The following HIVEP3 variants were observed in gnomAD, a reference collection of about 807,000 sequenced individuals.
HIVEP3 encodes transcription factor HIVEP3.
In HIVEP3, 49 loss-of-function variants were observed where a neutral mutation model predicts 152.8. The ratio of observed to expected loss-of-function variants is 0.32; its 90% CI spans 0.26 to 0.41. HIVEP3 has a LOEUF of 0.41. HIVEP3 is among the 10% of genes least tolerant of loss of function. The pLI is 1.00. For missense variants in HIVEP3, 2,790 were observed against 3,103.3 expected, an observed-to-expected ratio of 0.90 and a Z score of 2.40; for synonymous variants, 1,269 against 1,289.0, an observed-to-expected ratio of 0.98 and a Z score of 0.33.
Position 41,575,611 on chromosome 1 carries a change from C to T in HIVEP3, c.5140G>A (p.Glu1714Lys), listed in dbSNP as rs1460785104. 6.2e-7 allele frequency: 1 copy of T among 1,614,112 alleles called. No homozygotes were observed. Reference protein sequence around the residue: ...RVEKEEERRGEPEEDAPASQR... With the variant: ...RVEKEEERRGKPEEDAPASQR... ...GAGGCAGGAGCATCCTCCTCCGGCT[C>T]CCCTCTCCTCTCTTCTTCCTTCTCC... The change falls in exon 5 of 9, where the codon GAG (glutamate) becomes AAG (lysine). Residue 1714 changes from glutamate (E) to lysine (K), a missense_variant. Transcript: ENST00000372583.
chr1:41,611,164 G>A (rs1231113753), intron 3 of HIVEP3, among the ~76,000 whole-genome samples: 2 of 152,222 alleles, frequency 1.3e-5, no homozygotes, highest in Admixed American at 1.3e-4. Flanking sequence ...AGGGAATTAT[G>A]AGCAAATGAA....
chr1:41,795,482 A>C (rs772312942), intron 1 of HIVEP3, among the ~76,000 whole-genome samples: 1 of 152,088 alleles, frequency 6.6e-6, no homozygotes, highest in Non-Finnish European at 1.5e-5. Flanking sequence ...ATTAACTGTG[A>C]AGTTACTATT....
At chr1:42,030,550 A>G (rs576071253) in intron 1 of HIVEP3, among the ~76,000 whole-genome samples, 28 of 150,670 alleles carry the variant, frequency 1.9e-4, no homozygotes, top group African/African-American at 6.1e-4. Context: ...GTCTCTAATC[A>G]CTGTACTTTC....
At chr1:41,808,106 A>T (rs1475471097) in intron 1 of HIVEP3, among the ~76,000 whole-genome samples, 1 of 152,238 alleles carries the variant, frequency 6.6e-6, no homozygotes, top group African/African-American at 2.4e-5. Flanking sequence ...CCCCCATTTA[A>T]TCTTCACAAC....
intron 1 of HIVEP3, among the ~76,000 whole-genome samples, chr1:41,837,620 C>T (rs1643163223): frequency 6.6e-6 from 1 of 152,216 alleles, no homozygotes; most frequent in African/African-American, 2.4e-5. Flanking sequence ...GCCACCACGC[C>T]CGGCCTGCTC....
At chr1:41,930,904 T>G (rs747122598) in intron 1 of HIVEP3, among the ~76,000 whole-genome samples, 1 of 152,200 alleles carries the variant, frequency 6.6e-6, no homozygotes, top group African/African-American at 2.4e-5. Context: ...CATATGCTTA[T>G]TTGCCATCAT....
At chr1:41,625,956 T>C (rs1645111400) in intron 3 of HIVEP3, among the ~76,000 whole-genome samples, 1 of 152,266 alleles carries the variant, frequency 6.6e-6, no homozygotes, top group African/African-American at 2.4e-5. Flanking sequence ...TCTAAGACTA[T>C]AAAAGTTTGA....
intron 5 of HIVEP3, among the ~76,000 whole-genome samples, chr1:41,574,657 G>C (rs1644300859): frequency 6.6e-6 from 1 of 152,192 alleles, no homozygotes; most frequent in Non-Finnish European, 1.5e-5. Context: ...CAGCCATGTT[G>C]GCCCCAGCTC....
intron 1 of HIVEP3, among the ~76,000 whole-genome samples, chr1:41,762,586 A>C (rs879916377): frequency 1.3e-5 from 2 of 152,180 alleles, no homozygotes; most frequent in Admixed American, 1.3e-4. Context: ...AGAGTCCACC[A>C]CAGCAGTCGG....
At position 41,583,588 on chromosome 1, in the gene HIVEP3, C is replaced by T. The variant is rs1435820583; in HGVS notation, c.1210G>A (p.Val404Ile). 2 of 1,614,120 alleles carry T rather than the reference C, an allele frequency of 1.2e-6. No individual in the cohort carries two copies. Among genetic ancestry groups the T allele is most frequent in the Non-Finnish European group, 8.5e-7 (1 of 1,180,016 alleles). Reference sequence around the variant, plus strand: ...TTGGCGTTGGTGTTTGGGGGGCTGACCTGCTGCTCTGCACTCTCGGAGCGA... The same window carrying T: ...TTGGCGTTGGTGTTTGGGGGGCTGATCTGCTGCTCTGCACTCTCGGAGCGA... ...FSRSESAEQQ[V>I]SPPNTNAKSY... Residue 404 changes from valine to isoleucine, a missense_variant, in exon 4 of 9, where the codon GTC (valine) becomes ATC (isoleucine). This residue lies in a region of HIVEP3 where 134 missense variants were observed against 242.5 expected (regional missense o/e 0.55). Coordinates refer to ENST00000372583, the MANE Select transcript of HIVEP3 (RefSeq NM_024503.5). The surrounding 1 kb of genome is among the most constrained non-coding windows in gnomAD (Gnocchi z 6.9).
rs1326517408 is a variant in HIVEP3, at chr1:41,508,395, G to C, written c.*2056C>G. On this transcript the variant is annotated 3_prime_UTR_variant, in exon 9 of 9. Coordinates refer to ENST00000372583, the MANE Select transcript of HIVEP3 (RefSeq NM_024503.5). Reference sequence around the variant, plus strand: ...TCACTTTCTGTCAGGCCACTGTCCAGCAATATGGACAGTGTGGTCCAGGCT... The same window carrying C: ...TCACTTTCTGTCAGGCCACTGTCCACCAATATGGACAGTGTGGTCCAGGCT... 1 of 152,272 alleles carries C rather than the reference G, an allele frequency of 6.6e-6. No homozygotes were observed. The allele number at this position is 152,272 out of a possible 1,614,324, so 9.4% of individuals were successfully genotyped here.
chr1:41,806,816 C>A (rs937432891), intron 1 of HIVEP3, among the ~76,000 whole-genome samples: 2 of 152,136 alleles, frequency 1.3e-5, no homozygotes, highest in South Asian at 4.1e-4. Context: ...GTAGGGGGCT[C>A]CTAGCTCAAC....
intron 6 of HIVEP3, among the ~76,000 whole-genome samples, chr1:41,523,849 C>G (rs1642828537): frequency 6.6e-6 from 1 of 152,218 alleles, no homozygotes; most frequent in South Asian, 2.1e-4. Context: ...CTATCAAGCT[C>G]CAGAGGCTGA....
At position 41,510,368 on chromosome 1, in the gene HIVEP3, G is replaced by A. The variant is rs1644431603; in HGVS notation, c.*83C>T. On this transcript the variant is annotated 3_prime_UTR_variant, in exon 9 of 9. Coordinates refer to ENST00000372583, the MANE Select transcript of HIVEP3 (RefSeq NM_024503.5). The stretch of plus-strand genomic sequence containing the variant: ...GGACGGAGGGACAGATGGGGCTGAG[G>A]AAGTGGGATGATTCGAGGAAAGTGG... The A allele has an allele frequency of 2.4e-6, 3 of 1,235,292 alleles. No individual in the cohort carries two copies. In the East Asian group the frequency reaches 8.6e-5, roughly 36 times the overall value. The allele number at this position is 1,235,292 out of a possible 1,614,324, so 76.5% of individuals were successfully genotyped here. A position where few individuals can be genotyped will look rare whatever the true frequency, so the allele number is the denominator to read the frequency against.
At chr1:41,632,814 G>T (rs1318947016) in intron 2 of HIVEP3, among the ~76,000 whole-genome samples, 1 of 151,954 alleles carries the variant, frequency 6.6e-6, no homozygotes, top group Non-Finnish European at 1.5e-5. Flanking sequence ...CCCCCAAATG[G>T]CCAGAATGTT....
At chr1:41,544,053 C>T (rs1205830735) in intron 5 of HIVEP3, 1 of 152,132 alleles carries the variant, frequency 6.6e-6, no homozygotes, top group Non-Finnish European at 1.5e-5. Context: ...TCTTTATCTT[C>T]TGTTGGAGTA....
rs182369259 is a variant in HIVEP3 at position 41,858,129 on chromosome 1, T to C, written c.-801+60284A>G. ...ATCATTCCTAACATTTACAAAATAA[T>C]GGAAAACATAAGTTTTACCCAGTAA... is the stretch of plus-strand genomic sequence containing the variant. On this transcript the variant is annotated intron_variant, in intron 1 of 8. Transcript: ENST00000372583. 1.3e-3 allele frequency among the ~76,000 whole-genome samples: 204 copies of C among 152,296 alleles called. 3 individuals carry two copies. Among genetic ancestry groups the C allele is most frequent in the African/African-American group, 4.2e-3 (175 of 41,556 alleles).
chr1:41,753,682 TAA>T (rs1314354555), intron 1 of HIVEP3, among the ~76,000 whole-genome samples: 1 of 149,090 alleles, frequency 6.7e-6, no homozygotes, highest in Non-Finnish European at 1.5e-5. Context: ...AATAAATAAA[TAA>T]ATAAATAAAT....
chr1:41,775,951 A>G (rs890016139), intron 1 of HIVEP3, among the ~76,000 whole-genome samples: 1 of 152,202 alleles, frequency 6.6e-6, no homozygotes, highest in African/African-American at 2.4e-5. Context: ...GTGCAGTTAC[A>G]TGTGGACACA....
Sources: allele counts gnomAD v4.1 joint callset (sites outside exome capture counted in the v4.1 genomes callset), GRCh38; gene constraint gnomAD v4.1.1; regional missense constraint gnomAD v4.1.1; non-coding constraint Gnocchi (gnomAD v3.1); transcripts MANE v1.5; gene names NCBI Gene and HGNC (gene_info 2026-07-23, HGNC 2026-07-21).